Variants in SMC2 observed in about 807,000 individuals in gnomAD.
The protein encoded by SMC2 is structural maintenance of chromosomes 2, also known as structural maintenance of chromosomes protein 2.
A neutral mutation model predicts 142.6 loss-of-function variants in SMC2; 41 were observed. That is an observed-to-expected ratio of 0.29 (90% CI 0.22 to 0.37). The LOEUF is 0.37. Among genes scored for constraint, SMC2 ranks in the 10% least tolerant of loss-of-function variants. The pLI is 1.00. For synonymous variants in SMC2, 463 were observed against 457.5 expected, an observed-to-expected ratio of 1.01 and a Z score of -0.15; for missense variants, 1,265 against 1,373.7, an observed-to-expected ratio of 0.92 and a Z score of 1.25.
intron 14 of SMC2, among the ~76,000 whole-genome samples, chr9:104,117,016 C>CTT (rs1360244795): frequency 6.6e-6 from 1 of 152,152 alleles, no homozygotes; most frequent in Non-Finnish European, 1.5e-5. Flanking sequence ...TAAAAATATA[C>CTT]TTGTAACTAA....
Position 104,101,974 on chromosome 9 carries a change from C to T in SMC2, c.651C>T (p.Tyr217=), listed in dbSNP as rs1354265850. 6.3e-7 allele frequency: 1 copy of T among 1,591,706 alleles called. No individual in the cohort carries two copies. Among genetic ancestry groups the T allele is most frequent in the African/African-American group, 1.3e-5 (1 of 74,082 alleles). The part of the protein sequence containing the change: ...IQKLKEERSS[Y]LEYQKVMREI... Reference sequence around the variant, plus strand: ...TTCTCTTTCAGGAAAGATCGTCCTACTTGGAGTACCAAAAAGTAATGAGAG... The same window carrying T: ...TTCTCTTTCAGGAAAGATCGTCCTATTTGGAGTACCAAAAAGTAATGAGAG... The change falls in exon 8 of 25, where the codon TAC becomes TAT. Residue 217 remains tyrosine (Y), a synonymous_variant. Coordinates refer to ENST00000374793, the MANE Select transcript of SMC2 (RefSeq NM_006444.3).
upstream of SMC2, among the ~76,000 whole-genome samples, chr9:104,090,809 G>C (rs187054072): frequency 2.2e-4 from 33 of 150,620 alleles, no homozygotes; most frequent in East Asian, 2.1e-3. Context: ...GTAAACAAGA[G>C]TTAGGAACTG....
At chr9:104,113,145 G>A (rs182907936) in intron 10 of SMC2, among the ~76,000 whole-genome samples, 171 bp from the exon 11 acceptor site, 21 of 152,024 alleles carry the variant, frequency 1.4e-4, no homozygotes, top group African/African-American at 5.1e-4. Context: ...GTTTTTTGAG[G>A]AGAAAATACT....
rs1836002590 is a variant in SMC2 at position 104,140,927 on chromosome 9, A to G, written c.*1612A>G. The stretch of plus-strand genomic sequence containing the variant: ...TTAAAAATAATTTGGGAGTTTGACT[A>G]TTTTGGCTTACGTACTCATTTCCTT... On this transcript the variant is annotated 3_prime_UTR_variant, in exon 25 of 25. Coordinates refer to ENST00000374793, the MANE Select transcript of SMC2 (RefSeq NM_006444.3). The G allele has an allele frequency of 3.9e-5, 6 of 152,250 alleles. No individual in the cohort carries two copies. The South Asian group carries it at 1.0e-3, about 26-fold the overall frequency. The allele number at this position is 152,250 out of a possible 1,614,324, so 9.4% of individuals were successfully genotyped here. A position where few individuals can be genotyped will look rare whatever the true frequency, so the allele number is the denominator to read the frequency against.
chr9:104,095,370 A>C lies in SMC2; in HGVS notation c.-15A>C. 6.2e-7 allele frequency: 1 copy of C among 1,609,974 alleles called. No individual in the cohort carries two copies. Among genetic ancestry groups the C allele is most frequent in the Non-Finnish European group, 8.5e-7 (1 of 1,178,238 alleles). The stretch of plus-strand genomic sequence containing the variant: ...ATTCCTGTCAGAGGTTTGCTGACCC[A>C]AGACAGTATCGAAAATGCATATTAA... On this transcript the variant is annotated 5_prime_UTR_variant, in exon 2 of 25. Transcript: ENST00000374793.
chr9:104,101,636 A>G (rs563003074), intron 7 of SMC2, among the ~76,000 whole-genome samples: 1 of 152,328 alleles, frequency 6.6e-6, no homozygotes, highest in South Asian at 2.1e-4. Context: ...GCATCTTGAT[A>G]CTACTACTAC....
In SMC2 at chr9:104,139,502, A is replaced by G; in HGVS notation, c.*187A>G. The G allele has an allele frequency of 2.2e-6, 1 of 451,532 alleles. No individual in the cohort carries two copies. Among genetic ancestry groups the G allele is most frequent in the East Asian group, 3.9e-5 (1 of 25,884 alleles). The allele number at this position is 451,532 out of a possible 1,614,324, so 28.0% of individuals were successfully genotyped here. Reference sequence around the variant, plus strand: ...TCCTCATCTCTTAACTAGTCTAATTATGGTCCAATTATTGTGGTTGTGATT... The same window carrying G: ...TCCTCATCTCTTAACTAGTCTAATTGTGGTCCAATTATTGTGGTTGTGATT... On this transcript the variant is annotated 3_prime_UTR_variant, in exon 25 of 25. Transcript: ENST00000374793.
upstream of SMC2, among the ~76,000 whole-genome samples, chr9:104,090,643 T>TC (rs1349877685): frequency 2.6e-5 from 4 of 152,172 alleles, no homozygotes; most frequent in South Asian, 8.3e-4. Flanking sequence ...TTCAGATCTT[T>TC]AAGAGCTACG....
chr9:104,101,989 A>T lies in SMC2; in HGVS notation c.666A>T (p.Lys222Asn), dbSNP rs1831187521. 1 of 1,605,772 alleles carries T rather than the reference A, an allele frequency of 6.2e-7. No individual in the cohort carries two copies. Among genetic ancestry groups the T allele is most frequent in the Admixed American group, 1.7e-5 (1 of 58,804 alleles). The stretch of plus-strand genomic sequence containing the variant: ...GATCGTCCTACTTGGAGTACCAAAA[A>T]GTAATGAGAGAAATAGAACATTTGA... Reference protein sequence around the residue: ...EERSSYLEYQKVMREIEHLSR... With the variant: ...EERSSYLEYQNVMREIEHLSR... The change falls in exon 8 of 25, where the codon AAA becomes AAT. Residue 222 changes from lysine to asparagine, a missense_variant. Around this residue, in one of 4 missense-constraint regions of SMC2, gnomAD observed 898 missense variants for 904.2 expected, o/e 0.99. Coordinates refer to ENST00000374793, the MANE Select transcript of SMC2 (RefSeq NM_006444.3).
At chr9:104,109,504 C>T (rs1214640986) in intron 9 of SMC2, among the ~76,000 whole-genome samples, 1 of 152,112 alleles carries the variant, frequency 6.6e-6, no homozygotes, top group Non-Finnish European at 1.5e-5. Context: ...TTCCTGTTGC[C>T]ACTCTATAGT....
intron 5 of SMC2, 25 bp downstream of exon 5, chr9:104,099,707 A>G (rs1564069016): frequency 7.2e-7 from 1 of 1,384,282 alleles, no homozygotes. Context: ...TATGGACATT[A>G]AAAATAGTTG....
chr9:104,103,549 A>G (rs947928159), intron 9 of SMC2, among the ~76,000 whole-genome samples: 1 of 152,202 alleles, frequency 6.6e-6, no homozygotes, highest in African/African-American at 2.4e-5. Flanking sequence ...TGCAAGTAGG[A>G]TAGGAACTAG....
At chr9:104,095,613 T>G in intron 2 of SMC2, 61 bp downstream of exon 2, 2 of 1,320,254 alleles carry the variant, frequency 1.5e-6, no homozygotes, top group East Asian at 4.6e-5. Flanking sequence ...CTCACTGAAC[T>G]TTGGAGACGT....
At chr9:104,112,206 C>T (rs937415374) in intron 10 of SMC2, among the ~76,000 whole-genome samples, 7 of 152,058 alleles carry the variant, frequency 4.6e-5, no homozygotes, top group Non-Finnish European at 8.8e-5. Flanking sequence ...GATTGTCCTC[C>T]CCATTGCTTT....
chr9:104,109,110 A>C (rs1832139416), intron 9 of SMC2, among the ~76,000 whole-genome samples: 1 of 152,226 alleles, frequency 6.6e-6, no homozygotes. Context: ...ATGACTGTCC[A>C]ACAAACTCTA....
intron 10 of SMC2, 23 bp downstream of exon 10, chr9:104,111,837 T>C (rs1366328361): frequency 2.0e-6 from 3 of 1,500,732 alleles, no homozygotes; most frequent in East Asian, 2.3e-5. Context: ...ATTAGCACTA[T>C]GTGATTGCTT....
chr9:104,134,709 A>G, intron 23 of SMC2, 134 bp downstream of exon 23: 1 of 513,360 alleles, frequency 1.9e-6, no homozygotes, highest in South Asian at 5.5e-5. Context: ...AAGACTAAAC[A>G]ATTTGGTTAA....
Position 104,139,225 on chromosome 9 carries a change from A to G in SMC2, c.3504A>G (p.Val1168=), listed in dbSNP as rs16923746. The change falls in exon 25 of 25, where the codon GTA becomes GTG. Residue 1168 remains valine (V), a synonymous_variant. Transcript: ENST00000374793. The part of the protein sequence containing the change: ...KTKFVDGVST[V]ARFTQCQNGK... ...AGTTTGTGGATGGTGTTTCTACAGT[A>G]GCCAGATTTACTCAATGTCAAAATG... The G allele has an allele frequency of 0.017, 26,491 of 1,602,742 alleles. 1,318 individuals are homozygous for G. The African/African-American group carries it at 0.18, about 11-fold the overall frequency.
At chr9:104,089,018 G>A in the SMC2 span, among the ~76,000 whole-genome samples, 1 of 151,932 alleles carries the variant, frequency 6.6e-6, no homozygotes, top group Non-Finnish European at 1.5e-5. Flanking sequence ...AAGGAAGAAA[G>A]TAGCAGATGA....
Sources: gnomAD v4.1 joint callset for allele counts (sites outside exome capture counted in the v4.1 genomes callset) on GRCh38, gnomAD v4.1.1 for gene constraint, gnomAD v4.1.1 regional missense constraint, MANE v1.5 for transcripts, NCBI Gene and HGNC (gene_info 2026-07-23, HGNC 2026-07-21) for gene names.